The following SPAG16 variants were observed in gnomAD, a reference collection of about 807,000 sequenced individuals.
SPAG16 encodes sperm associated antigen 16, also known as sperm-associated antigen 16 protein.
Under a neutral mutation model 80.4 loss-of-function variants are expected in SPAG16, and 86 were observed. That is an observed-to-expected ratio of 1.07 (90% CI 0.90 to 1.28). The LOEUF (loss-of-function observed/expected upper bound fraction) is 1.28. Ranked by LOEUF, SPAG16 falls within the 50% of genes most tolerant of loss-of-function variation. The pLI, the probability that SPAG16 is intolerant of heterozygous loss-of-function variation, is 0.00. For missense variants in SPAG16, 870 were observed against 765.3 expected (o/e 1.14, Z -1.61); for synonymous variants, 294 against 265.9 (o/e 1.11, Z -1.03).
At chr2:214,095,602 A>G (rs1182455557) in intron 13 of SPAG16, among the ~76,000 whole-genome samples, 1 of 152,108 alleles carries the variant, frequency 6.6e-6, no homozygotes, top group Non-Finnish European at 1.5e-5. Flanking sequence ...CTTTCTGAAT[A>G]TGTGTTTTCA....
intron 5 of SPAG16, among the ~76,000 whole-genome samples, chr2:213,325,634 G>A (rs1267102688): frequency 1.3e-5 from 2 of 151,830 alleles, no homozygotes; most frequent in East Asian, 3.9e-4. Context: ...GTGTGTGTGT[G>A]TGTGTGTGTG....
rs75723584 is a variant in SPAG16 at position 213,500,715 on chromosome 2, T to C, written c.1070+10625T>C. Reference sequence around the variant, plus strand: ...TATTTTAGGCCTTAGAGTGGGGTGGTAGGTAATAGGTTGAAGGAGTCCAGC... The same window carrying C: ...TATTTTAGGCCTTAGAGTGGGGTGGCAGGTAATAGGTTGAAGGAGTCCAGC... On this transcript the variant is annotated intron_variant, in intron 10 of 15. Coordinates refer to ENST00000331683, the MANE Select transcript of SPAG16 (RefSeq NM_024532.5). Among the ~76,000 whole-genome samples the C allele has an allele frequency of 7.9e-3, 1,196 of 152,218 alleles. 15 individuals carry two copies. Among genetic ancestry groups the C allele is most frequent in the African/African-American group, 0.028 (1,148 of 41,542 alleles).
chr2:213,919,974 T>C (rs1352768862), intron 11 of SPAG16, among the ~76,000 whole-genome samples: 1 of 152,244 alleles, frequency 6.6e-6, no homozygotes, highest in Non-Finnish European at 1.5e-5. Flanking sequence ...GTTGCTTCTG[T>C]GTTGAATGCA....
chr2:214,138,527 T>A (rs908062579), intron 14 of SPAG16, among the ~76,000 whole-genome samples: 6 of 152,152 alleles, frequency 3.9e-5, no homozygotes, highest in African/African-American at 1.4e-4. Context: ...TATACCAATT[T>A]GGCATATTTG....
intron 15 of SPAG16, among the ~76,000 whole-genome samples, chr2:214,289,241 TAATA>T (rs1458706455): frequency 2.0e-5 from 3 of 152,246 alleles, no homozygotes; most frequent in Admixed American, 1.3e-4. Flanking sequence ...CTTTTTAGTT[TAATA>T]GTCACATTTG....
chr2:214,397,158 C>CTTTT (rs66580402), intron 15 of SPAG16, among the ~76,000 whole-genome samples: 1 of 129,954 alleles, frequency 7.7e-6, no homozygotes, highest in Non-Finnish European at 1.6e-5. Flanking sequence ...TTTTAATTTT[C>CTTTT]TTTTTTTTTT....
At chr2:213,608,746 C>T (rs2061348735) in intron 10 of SPAG16, among the ~76,000 whole-genome samples, 2 of 152,218 alleles carry the variant, frequency 1.3e-5, no homozygotes, top group South Asian at 2.1e-4. Context: ...GTGCAGCAGT[C>T]GGGATCTCGG....
chr2:213,934,998 C>T (rs1376435402), intron 12 of SPAG16, among the ~76,000 whole-genome samples: 2 of 151,672 alleles, frequency 1.3e-5, no homozygotes, highest in African/African-American at 4.9e-5. Flanking sequence ...GTCAGGAGAT[C>T]GAGACCATCC....
chr2:213,958,581 C>G (rs1200133186), intron 12 of SPAG16, among the ~76,000 whole-genome samples: 1 of 152,076 alleles, frequency 6.6e-6, no homozygotes, highest in Non-Finnish European at 1.5e-5. Flanking sequence ...TCCCACTGAC[C>G]AACTTTTTCA....
intron 9 of SPAG16, among the ~76,000 whole-genome samples, chr2:213,406,854 C>T (rs1287428866): frequency 6.6e-6 from 1 of 151,664 alleles, no homozygotes; most frequent in Non-Finnish European, 1.5e-5. Flanking sequence ...GCGCACCCAG[C>T]CCTAGTGTGG....
rs113138603 is a variant in SPAG16, at chr2:213,548,458, G to T, written c.1070+58368G>T. On this transcript the variant is annotated intron_variant, in intron 10 of 15. Coordinates refer to ENST00000331683, the MANE Select transcript of SPAG16 (RefSeq NM_024532.5). Reference sequence around the variant, plus strand: ...AGTATCTTGACCTCGTGATCTGCCCGCCTCGGCCTTCCAAAGTGCTGGGAT... The same window carrying T: ...AGTATCTTGACCTCGTGATCTGCCCTCCTCGGCCTTCCAAAGTGCTGGGAT... Among the ~76,000 whole-genome samples, 120 of 152,216 alleles carry T rather than the reference G, an allele frequency of 7.9e-4. 2 individuals carry two copies. Among genetic ancestry groups the T allele is most frequent in the Middle Eastern group, 3.4e-3 (1 of 294 alleles).
chr2:214,163,635 T>TAGAG lies in SPAG16; in HGVS notation c.1720+14370_1720+14371insGAGA, dbSNP rs1363184791. Among the ~76,000 whole-genome samples, 179 of 115,030 alleles carry TAGAG rather than the reference T, an allele frequency of 1.6e-3. 2 individuals carry two copies. The highest frequency in any genetic ancestry group is 2.0e-3 in the South Asian group (7 of 3,462). The allele number at this position is 115,030 out of a possible 152,430, so 75.5% of individuals were successfully genotyped here. ...ATATACACACATATATACATATATA[T>TAGAG]ATAGAGAGAGAGAGAGAAAGAGAGA... On this transcript the variant is annotated intron_variant, in intron 15 of 15. Transcript: ENST00000331683.
intron 10 of SPAG16, among the ~76,000 whole-genome samples, chr2:213,718,549 C>T (rs1382857719): frequency 6.6e-6 from 1 of 152,300 alleles, no homozygotes; most frequent in Non-Finnish European, 1.5e-5. Flanking sequence ...GCTGGAGTTC[C>T]GGGTGGGCGT....
At chr2:213,799,095 T>C (rs943194897) in intron 10 of SPAG16, among the ~76,000 whole-genome samples, 1 of 152,130 alleles carries the variant, frequency 6.6e-6, no homozygotes, top group African/African-American at 2.4e-5. Flanking sequence ...AGCTTGTAAG[T>C]TTTTGCAAAA....
chr2:213,314,986 A>G (rs915557759), intron 4 of SPAG16, among the ~76,000 whole-genome samples: 1 of 150,958 alleles, frequency 6.6e-6, no homozygotes, highest in Non-Finnish European at 1.5e-5. Flanking sequence ...TTTAGAAAAA[A>G]TCAGATAAAG....
intron 9 of SPAG16, among the ~76,000 whole-genome samples, chr2:213,381,695 C>A (rs1388043842): frequency 6.6e-6 from 1 of 152,074 alleles, no homozygotes; most frequent in Non-Finnish European, 1.5e-5. Context: ...ATAAGTATAC[C>A]CATGGGACAC....
intron 10 of SPAG16, among the ~76,000 whole-genome samples, chr2:213,631,487 C>T (rs566890104): frequency 4.2e-4 from 64 of 152,056 alleles, no homozygotes; most frequent in African/African-American, 1.5e-3. Flanking sequence ...ATTGTAATTC[C>T]CAATGTTGGA....
intron 10 of SPAG16, among the ~76,000 whole-genome samples, chr2:213,847,759 GGA>G: frequency 1.3e-5 from 2 of 152,226 alleles, no homozygotes; most frequent in Middle Eastern, 3.4e-3. Context: ...AGCAGATTAA[GGA>G]GAGAGAAACA....
intron 12 of SPAG16, among the ~76,000 whole-genome samples, chr2:213,976,353 G>A (rs2045407504): frequency 6.6e-6 from 1 of 150,976 alleles, no homozygotes; most frequent in Non-Finnish European, 1.5e-5. Flanking sequence ...TATATCAGAT[G>A]ATATATATAC....
Sources: gnomAD v4.1 joint callset for allele counts (sites outside exome capture counted in the v4.1 genomes callset) on GRCh38, gnomAD v4.1.1 for gene constraint, MANE v1.5 for transcripts, NCBI Gene and HGNC (gene_info 2026-07-23, HGNC 2026-07-21) for gene names.